Variants in PALM2AKAP2 observed in about 807,000 individuals in gnomAD.
PALM2AKAP2 encodes the protein PALM2 and AKAP2 fusion, also known as PALM2-AKAP2 fusion protein.
Under a neutral mutation model 71.5 loss-of-function variants are expected in PALM2AKAP2, and 37 were observed. That is an observed-to-expected ratio of 0.52 (90% CI 0.40 to 0.68). The LOEUF (loss-of-function observed/expected upper bound fraction) is 0.68. Ranked by LOEUF, PALM2AKAP2 falls within the 30% of genes least tolerant of loss-of-function variation. The pLI is 0.00. For synonymous variants in PALM2AKAP2, 468 were observed against 478.8 expected, an observed-to-expected ratio of 0.98 and a Z score of 0.29; for missense variants, 1,224 against 1,191.8, an observed-to-expected ratio of 1.03 and a Z score of -0.40.
At chr9:109,746,997 G>T (rs1236181438) in intron 1 of PALM2AKAP2, among the ~76,000 whole-genome samples, 1 of 152,222 alleles carries the variant, frequency 6.6e-6, no homozygotes, top group Non-Finnish European at 1.5e-5. Context: ...TGTCCAGTTG[G>T]ATTGGAGTAT....
At chr9:109,659,339 G>A (rs1827354905) in intron 1 of PALM2AKAP2, among the ~76,000 whole-genome samples, 1 of 152,096 alleles carries the variant, frequency 6.6e-6, no homozygotes, top group South Asian at 2.1e-4. Flanking sequence ...TGTTGCCCAG[G>A]CATCCTTCAT....
At chr9:110,095,036 A>G (rs1438804604) in intron 1 of PALM2AKAP2, among the ~76,000 whole-genome samples, 1 of 152,198 alleles carries the variant, frequency 6.6e-6, no homozygotes, top group East Asian at 1.9e-4. Flanking sequence ...CCCCTACCGT[A>G]TGTGTAGTAC....
At chr9:109,960,788 A>T (rs1053109120) in intron 6 of PALM2AKAP2, among the ~76,000 whole-genome samples, 2 of 152,180 alleles carry the variant, frequency 1.3e-5, no homozygotes, top group Non-Finnish European at 2.9e-5. Context: ...GTCTTCTCTT[A>T]CCAGGCCAGA....
intron 1 of PALM2AKAP2, among the ~76,000 whole-genome samples, chr9:110,112,531 T>C (rs1286137239): frequency 6.6e-6 from 1 of 152,262 alleles, no homozygotes; most frequent in African/African-American, 2.4e-5. Flanking sequence ...ATATCATCTA[T>C]ATTTCCTGTC....
At chr9:110,053,241 C>T (rs1354438401) in intron 1 of PALM2AKAP2, among the ~76,000 whole-genome samples, 1 of 152,116 alleles carries the variant, frequency 6.6e-6, no homozygotes, top group East Asian at 1.9e-4. Flanking sequence ...AGACATGTAA[C>T]TGCGCCAGGC....
At chr9:109,945,746 G>C (rs1265750082) in intron 6 of PALM2AKAP2, 5 of 152,212 alleles carry the variant, frequency 3.3e-5, no homozygotes, top group African/African-American at 1.2e-4. Context: ...CTTGCTGGTT[G>C]ATAAACAGAA....
At chr9:109,740,136 A>G (rs1000898842) in intron 1 of PALM2AKAP2, among the ~76,000 whole-genome samples, 1 of 152,148 alleles carries the variant, frequency 6.6e-6, no homozygotes, top group Admixed American at 6.5e-5. Context: ...ATCTATCATC[A>G]CTTTCTATTC....
At chr9:109,815,645 A>G (rs1827833121) in intron 1 of PALM2AKAP2, among the ~76,000 whole-genome samples, 1 of 152,212 alleles carries the variant, frequency 6.6e-6, no homozygotes, top group Non-Finnish European at 1.5e-5. Flanking sequence ...GTGTCCATTG[A>G]ACATACCAAC....
rs912675977 is a variant in PALM2AKAP2, at chr9:109,824,752, A to G, written c.46-42739A>G. 1.8e-4 allele frequency among the ~76,000 whole-genome samples: 27 copies of G among 152,372 alleles called. No individual in the cohort carries two copies. The East Asian group carries it at 2.7e-3, about 15-fold the overall frequency. On this transcript the variant is annotated intron_variant, in intron 1 of 9. Transcript: ENST00000302798. ...TGTGAGCCATGATAGGGATCCAGAAATATTTACATAATTTTCATCTATTAA... is the reference window on the plus strand; with the variant it reads ...TGTGAGCCATGATAGGGATCCAGAAGTATTTACATAATTTTCATCTATTAA...
intron 1 of PALM2AKAP2, among the ~76,000 whole-genome samples, chr9:109,843,526 T>C (rs1436679390): frequency 2.0e-5 from 3 of 152,118 alleles, no homozygotes; most frequent in Non-Finnish European, 4.4e-5. Context: ...TGAATATATA[T>C]ATATACACAC....
chr9:110,067,286 T>A (rs1834101574), intron 1 of PALM2AKAP2, among the ~76,000 whole-genome samples: 1 of 152,204 alleles, frequency 6.6e-6, no homozygotes, highest in African/African-American at 2.4e-5. Context: ...TTTCTAACAA[T>A]GATAATTAAG....
At chr9:109,992,863 C>G (rs543069282) in intron 6 of PALM2AKAP2, among the ~76,000 whole-genome samples, 1 of 151,916 alleles carries the variant, frequency 6.6e-6, no homozygotes, top group African/African-American at 2.4e-5. Context: ...TGAAATGTCA[C>G]ATGCACGGAA....
chr9:110,064,235 G>A (rs1398381418), intron 1 of PALM2AKAP2, among the ~76,000 whole-genome samples: 2 of 152,220 alleles, frequency 1.3e-5, no homozygotes, highest in African/African-American at 4.8e-5. Context: ...AGGAGTGGAA[G>A]TAAACGAAGA....
At chr9:109,827,910 A>G (rs1339125082) in intron 1 of PALM2AKAP2, among the ~76,000 whole-genome samples, 2 of 152,252 alleles carry the variant, frequency 1.3e-5, no homozygotes, top group Admixed American at 6.5e-5. Context: ...ATTATAAGCT[A>G]TTCATTCAAA....
At chr9:109,909,276 A>C (rs966730337) in intron 3 of PALM2AKAP2, among the ~76,000 whole-genome samples, 2 of 152,218 alleles carry the variant, frequency 1.3e-5, no homozygotes, top group Non-Finnish European at 2.9e-5. Flanking sequence ...CTTCAGAGAA[A>C]GCAAATAAGA....
chr9:110,156,919 C>T (rs906682174), intron 3 of PALM2AKAP2, among the ~76,000 whole-genome samples: 3 of 152,236 alleles, frequency 2.0e-5, no homozygotes, highest in South Asian at 2.1e-4. Context: ...CCTTCAAAGC[C>T]GACACTCTAG....
chr9:109,998,888 G>A (rs1004048341), intron 6 of PALM2AKAP2, among the ~76,000 whole-genome samples: 13 of 152,212 alleles, frequency 8.5e-5, no homozygotes, highest in African/African-American at 2.9e-4. Context: ...TTGTAGAGGA[G>A]GCTTCTGCCC....
intron 3 of PALM2AKAP2, among the ~76,000 whole-genome samples, chr9:109,919,485 G>A (rs1830774237): frequency 6.6e-6 from 1 of 152,036 alleles, no homozygotes; most frequent in African/African-American, 2.4e-5. Context: ...ACATTTTTCT[G>A]TTTTTTCAGT....
intron 1 of PALM2AKAP2, among the ~76,000 whole-genome samples, chr9:110,110,476 A>G (rs564166504): frequency 1.4e-5 from 2 of 144,276 alleles, no homozygotes; most frequent in South Asian, 2.2e-4. Context: ...AACTTTCTTT[A>G]CCCCTGAGAC....
Sources: gnomAD v4.1 joint callset for allele counts (sites outside exome capture counted in the v4.1 genomes callset) on GRCh38, gnomAD v4.1.1 for gene constraint, MANE v1.5 for transcripts, NCBI Gene and HGNC (gene_info 2026-07-23, HGNC 2026-07-21) for gene names.